PRKCH: variants seen among roughly 807,000 people sequenced by gnomAD.
PRKCH encodes protein kinase C eta, also known as protein kinase C eta type.
PRKCH carries 28 observed loss-of-function variants against 82.5 expected under a neutral mutation model. The observed-to-expected ratio is 0.34, with a 90% CI of 0.25 to 0.47. The LOEUF (loss-of-function observed/expected upper bound fraction) is 0.47, where lower values mean the gene tolerates loss of function less well. PRKCH is among the 20% of genes least tolerant of loss of function. PRKCH has a pLI of 1.00. For missense variants in PRKCH, 705 were observed against 881.8 expected (o/e 0.80, Z 2.54); for synonymous variants, 322 against 327.4 (o/e 0.98, Z 0.18).
intron 2 of PRKCH, 107 bp from the exon 3 acceptor site, chr14:61,443,004 A>G: frequency 8.7e-7 from 1 of 1,144,572 alleles, no homozygotes; most frequent in Admixed American, 2.5e-5. Flanking sequence ...TTGAAGAAAG[A>G]AAAAATAATT....
At chr14:61,479,646 G>T (rs1885880095) in intron 9 of PRKCH, among the ~76,000 whole-genome samples, 1 of 152,182 alleles carries the variant, frequency 6.6e-6, no homozygotes, top group Non-Finnish European at 1.5e-5. Context: ...CTATCGAACA[G>T]CCCTTAATGA....
chr14:61,335,119 G>A (rs997551031), intron 1 of PRKCH, among the ~76,000 whole-genome samples: 8 of 152,218 alleles, frequency 5.3e-5, no homozygotes, highest in African/African-American at 1.9e-4. Context: ...TTTGACAAGG[G>A]CCTTCTGAAA....
intron 1 of PRKCH, among the ~76,000 whole-genome samples, chr14:61,352,389 G>A (rs142710974): frequency 7.2e-5 from 11 of 152,260 alleles, no homozygotes; most frequent in South Asian, 4.2e-4. Context: ...TAGGCCGGGC[G>A]TGGTGGCTCA....
chr14:61,535,188 T>C (rs188151695), intron 12 of PRKCH, among the ~76,000 whole-genome samples: 1 of 152,332 alleles, frequency 6.6e-6, no homozygotes, highest in Admixed American at 6.5e-5. Context: ...ATAGCAGGCA[T>C]GGGTTCTGCA....
At chr14:61,265,412 C>T (rs972200930) in intron 1 of PRKCH, among the ~76,000 whole-genome samples, 12 of 152,116 alleles carry the variant, frequency 7.9e-5, no homozygotes, top group African/African-American at 2.2e-4. Flanking sequence ...GCCTGGGATG[C>T]GGAAGCTGCA....
chr14:61,262,219 T>TAAATAAAAAAAAAAAAA (rs1356058235), intron 1 of PRKCH, among the ~76,000 whole-genome samples: 3 of 106,614 alleles, frequency 2.8e-5, no homozygotes, highest in Admixed American at 9.8e-5. Context: ...AGACTCTGTA[T>TAAATAAAAAAAAAAAAA]AAAAAAAAAA....
In PRKCH at chr14:61,362,470, A is replaced by G. The variant is rs1039042793; in HGVS notation, c.364-28755A>G. Reference sequence around the variant, plus strand: ...ATGTTTTGCTATTTTGAGTAATGTTATTTACTGATTACAGTGCAGTCTGAG... The same window carrying G: ...ATGTTTTGCTATTTTGAGTAATGTTGTTTACTGATTACAGTGCAGTCTGAG... On this transcript the variant is annotated intron_variant, in intron 1 of 13. Transcript: ENST00000332981. Among the ~76,000 whole-genome samples the G allele has an allele frequency of 1.2e-4, 18 of 152,246 alleles. No homozygotes were observed. In the South Asian group the frequency reaches 1.9e-3, roughly 16 times the overall value.
chr14:61,361,089 G>A (rs955239605), intron 1 of PRKCH: 7 of 152,394 alleles, frequency 4.6e-5, no homozygotes, highest in African/African-American at 1.4e-4. Flanking sequence ...CAGCAGGTGG[G>A]ATATTTTTTG....
intron 7 of PRKCH, 141 bp downstream of exon 7, chr14:61,453,494 T>C (rs112444339): frequency 3.8e-6 from 3 of 793,230 alleles, no homozygotes; most frequent in African/African-American, 4.4e-5. Context: ...CTTTCTTTCT[T>C]TCTCTTTCTT....
chr14:61,403,962 A>T (rs1364088033), intron 2 of PRKCH, among the ~76,000 whole-genome samples: 1 of 152,116 alleles, frequency 6.6e-6, no homozygotes, highest in African/African-American at 2.4e-5. Flanking sequence ...TTTTCATTAT[A>T]CTTCCATTTT....
At chr14:61,295,996 G>A (rs2045403159) in intron 1 of PRKCH, among the ~76,000 whole-genome samples, 1 of 152,146 alleles carries the variant, frequency 6.6e-6, no homozygotes, top group Admixed American at 6.5e-5. Flanking sequence ...GTCGGCTAGG[G>A]ATTGATATGA....
At position 61,370,185 on chromosome 14, in the gene PRKCH, C is replaced by T. The variant is rs989403790; in HGVS notation, c.364-21040C>T. Among the ~76,000 whole-genome samples, 13 of 152,052 alleles carry T rather than the reference C, an allele frequency of 8.5e-5. 1 individual carries two copies. The highest frequency in any genetic ancestry group is 6.2e-4 in the South Asian group (3 of 4,826). Reference sequence around the variant, plus strand: ...CTCGAACTCCTGACCTCAAGTGATCCGCCTGCCTCGGCCTCCCAAAGCGTT... The same window carrying T: ...CTCGAACTCCTGACCTCAAGTGATCTGCCTGCCTCGGCCTCCCAAAGCGTT... On this transcript the variant is annotated intron_variant, in intron 1 of 13. Transcript: ENST00000332981.
At chr14:61,373,261 T>C (rs1410791352) in intron 1 of PRKCH, among the ~76,000 whole-genome samples, 2 of 151,768 alleles carry the variant, frequency 1.3e-5, no homozygotes, top group Non-Finnish European at 2.9e-5. Flanking sequence ...GAAGCATGAC[T>C]GGGAGGCCTC....
chr14:61,436,109 T>C (rs1429709984), intron 2 of PRKCH, among the ~76,000 whole-genome samples: 1 of 152,214 alleles, frequency 6.6e-6, no homozygotes, highest in Admixed American at 6.5e-5. Context: ...GATGGAACTT[T>C]GGCCCTGTTG....
At position 61,522,328 on chromosome 14, in the gene PRKCH, G is replaced by A. The variant is rs568872703; in HGVS notation, c.1434-6747G>A. On this transcript the variant is annotated intron_variant, in intron 10 of 13. Coordinates refer to ENST00000332981, the MANE Select transcript of PRKCH (RefSeq NM_006255.5). ...CTCTGATATGGAGTCCTGTAAAATC[G>A]AAAATCTAATGCCATCCCTCTCCTG... Among the ~76,000 whole-genome samples, 129 of 152,148 alleles carry A rather than the reference G, an allele frequency of 8.5e-4. 1 individual carries two copies. In the South Asian group the frequency reaches 8.9e-3, roughly 11 times the overall value.
At chr14:61,210,384 C>A (rs971465090) in intron 1 of PRKCH, among the ~76,000 whole-genome samples, 4 of 151,960 alleles carry the variant, frequency 2.6e-5, no homozygotes, top group Non-Finnish European at 5.9e-5. Context: ...GCACATGTTG[C>A]ATTCCAGCTT....
intron 10 of PRKCH, among the ~76,000 whole-genome samples, chr14:61,515,440 G>A (rs779001683): frequency 4.6e-5 from 7 of 152,156 alleles, no homozygotes; most frequent in African/African-American, 1.2e-4. Context: ...AGGATGAACC[G>A]AATGAACCTC....
At chr14:61,437,710 A>G (rs1447707289) in intron 2 of PRKCH, among the ~76,000 whole-genome samples, 1 of 152,178 alleles carries the variant, frequency 6.6e-6, no homozygotes, top group Non-Finnish European at 1.5e-5. Context: ...AGCACAAGCT[A>G]GCTAAATGTG....
chr14:61,237,186 T>C (rs542329471), intron 1 of PRKCH, among the ~76,000 whole-genome samples: 2 of 144,702 alleles, frequency 1.4e-5, no homozygotes, highest in South Asian at 4.3e-4. Context: ...GAAGTTGCAG[T>C]AAGCTGAGAT....
Sources: gnomAD v4.1 joint callset for allele counts (sites outside exome capture counted in the v4.1 genomes callset) on GRCh38, gnomAD v4.1.1 for gene constraint, MANE v1.5 for transcripts, NCBI Gene and HGNC (gene_info 2026-07-23, HGNC 2026-07-21) for gene names.